The following MYT1L variants were observed in gnomAD, a reference collection of about 807,000 sequenced individuals.
MYT1L encodes the protein myelin transcription factor 1 like.
In MYT1L, 12 loss-of-function variants were observed where a neutral mutation model predicts 126.7. The observed-to-expected ratio is 0.09, with a 90% CI of 0.06 to 0.15. The LOEUF is 0.15. Among genes scored for constraint, MYT1L ranks in the 10% least tolerant of loss-of-function variants. The pLI is 1.00. For synonymous variants in MYT1L, 541 were observed against 604.2 expected, an observed-to-expected ratio of 0.90 and a Z score of 1.53; for missense variants, 979 against 1,585.2, an observed-to-expected ratio of 0.62 and a Z score of 6.49.
At chr2:2,306,867 C>T (rs1025072775) in intron 1 of MYT1L, among the ~76,000 whole-genome samples, 2 of 151,996 alleles carry the variant, frequency 1.3e-5, no homozygotes, top group African/African-American at 4.8e-5. Flanking sequence ...GTAGGTTACA[C>T]CATTATATAA....
intron 1 of MYT1L, chr2:2,319,165 C>T (rs2096118971): frequency 6.6e-6 from 1 of 152,186 alleles, no homozygotes; most frequent in Non-Finnish European, 1.5e-5. Flanking sequence ...GCTTATGTCA[C>T]AGAGAAGGCA....
chr2:1,997,507 C>T (rs1459765104), intron 4 of MYT1L, among the ~76,000 whole-genome samples, 160 bp from the exon 5 acceptor site: 3 of 152,254 alleles, frequency 2.0e-5, no homozygotes, highest in Admixed American at 6.5e-5. Flanking sequence ...ACGCATTCCC[C>T]TTTAGAGTTT....
chr2:2,255,265 T>G (rs2149246225), intron 2 of MYT1L, among the ~76,000 whole-genome samples: 1 of 152,314 alleles, frequency 6.6e-6, no homozygotes, highest in Middle Eastern at 3.4e-3. Context: ...GGGTGATTTC[T>G]TACCCCCCTA....
chr2:2,314,613 A>G (rs1190567160), intron 1 of MYT1L, among the ~76,000 whole-genome samples: 1 of 152,208 alleles, frequency 6.6e-6, no homozygotes, highest in Admixed American at 6.5e-5. Context: ...GATTTGTTAC[A>G]TAGGTAAACA....
intron 4 of MYT1L, among the ~76,000 whole-genome samples, chr2:2,030,994 C>T (rs1446564473): frequency 6.6e-6 from 1 of 152,146 alleles, no homozygotes; most frequent in Non-Finnish European, 1.5e-5. Flanking sequence ...ACTTATTTTG[C>T]GTTTGTATTA....
intron 18 of MYT1L, among the ~76,000 whole-genome samples, chr2:1,878,619 CT>C (rs1170001371): frequency 1.3e-5 from 2 of 152,158 alleles, no homozygotes; most frequent in African/African-American, 4.8e-5. Flanking sequence ...CAAGAATGCA[CT>C]TCCTTAGCCA....
intron 3 of MYT1L, among the ~76,000 whole-genome samples, chr2:2,157,413 T>A (rs1012661074): frequency 5.3e-5 from 8 of 152,202 alleles, no homozygotes; most frequent in Non-Finnish European, 8.8e-5. Flanking sequence ...TTAATAATAA[T>A]TTCTTTATTA....
intron 15 of MYT1L, among the ~76,000 whole-genome samples, chr2:1,890,398 T>C (rs1168235284): frequency 6.6e-6 from 1 of 152,110 alleles, no homozygotes; most frequent in Non-Finnish European, 1.5e-5. Flanking sequence ...ATAATGAAGA[T>C]AATTTTCCAC....
chr2:2,277,859 C>A (rs1051697202), intron 2 of MYT1L, among the ~76,000 whole-genome samples: 1 of 152,044 alleles, frequency 6.6e-6, no homozygotes, highest in African/African-American at 2.4e-5. Context: ...ATTAACATAC[C>A]TTAATTTGAA....
chr2:2,254,277 T>C (rs1274921547), intron 2 of MYT1L, among the ~76,000 whole-genome samples: 1 of 152,210 alleles, frequency 6.6e-6, no homozygotes, highest in Non-Finnish European at 1.5e-5. Flanking sequence ...TCTTCAACAA[T>C]GACTGCAGAT....
chr2:2,307,159 A>G lies in MYT1L; in HGVS notation c.-520-22656T>C, dbSNP rs147001508. ...AAATAGATGAGCATAATGCAGGGAT[A>G]GAAAGCATGCTTGAGAATGGGCGGG... On this transcript the variant is annotated intron_variant, in intron 1 of 24. Transcript: ENST00000647738. Among the ~76,000 whole-genome samples, 711 of 152,318 alleles carry G rather than the reference A, an allele frequency of 4.7e-3. 5 individuals carry two copies. The highest frequency in any genetic ancestry group is 7.0e-3 in the Non-Finnish European group (479 of 68,024).
chr2:1,866,808 GGGGGGAGAGAGAGAGGGA>G (rs1439519258), intron 18 of MYT1L, among the ~76,000 whole-genome samples: 1 of 55,198 alleles, frequency 1.8e-5, no homozygotes, highest in Non-Finnish European at 3.8e-5. Flanking sequence ...AGGCAGAGAA[GGGGGGAGAGAGAGAGGGA>G]GGGGGAGAGA....
At chr2:1,960,825 C>T (rs922727051) in intron 8 of MYT1L, among the ~76,000 whole-genome samples, 10 of 152,044 alleles carry the variant, frequency 6.6e-5, no homozygotes, top group African/African-American at 2.2e-4. Flanking sequence ...TCACCTGCAG[C>T]TCAGAGGCTT....
chr2:2,115,610 G>A (rs2080103868), intron 3 of MYT1L, among the ~76,000 whole-genome samples: 2 of 152,262 alleles, frequency 1.3e-5, no homozygotes, highest in South Asian at 4.1e-4. Flanking sequence ...TGTTTGTGGT[G>A]TGTCTAGCAC....
At chr2:2,242,556 G>A (rs1224648811) in intron 2 of MYT1L, among the ~76,000 whole-genome samples, 1 of 152,134 alleles carries the variant, frequency 6.6e-6, no homozygotes, top group African/African-American at 2.4e-5. Context: ...AAATAAATTA[G>A]TCTTCCATTC....
At chr2:2,183,750 G>A (rs1045846856) in intron 2 of MYT1L, among the ~76,000 whole-genome samples, 21 of 151,304 alleles carry the variant, frequency 1.4e-4, no homozygotes, top group African/African-American at 4.9e-4. Context: ...AGGAAGGAAG[G>A]GAGGGAGGGA....
chr2:1,875,960 C>T lies in MYT1L; in HGVS notation c.2711+10579G>A, dbSNP rs1230286652. Reference sequence around the variant, plus strand: ...TTACAGGAAAAACGCATTATTTAATCTTATTTAAATAATCCCCAGTAGTTA... The same window carrying T: ...TTACAGGAAAAACGCATTATTTAATTTTATTTAAATAATCCCCAGTAGTTA... On this transcript the variant is annotated intron_variant, in intron 18 of 24. Transcript: ENST00000647738. Among the ~76,000 whole-genome samples the T allele has an allele frequency of 2.0e-5, 3 of 152,168 alleles. No homozygotes were observed. In the East Asian group the frequency reaches 5.8e-4, roughly 29 times the overall value.
rs573629440 is a variant in MYT1L at position 1,793,456 on chromosome 2, C to T, written c.3277-992G>A. The stretch of plus-strand genomic sequence containing the variant: ...CCAGGGCTGGCTTGCCTGGCCTGCC[C>T]GCTCCTCTCCTTCCCTGACGTGTCA... On this transcript the variant is annotated intron_variant, in intron 23 of 24. Transcript: ENST00000647738. The surrounding 1 kb of genome is among the most constrained non-coding windows in gnomAD (Gnocchi z 4.6). 1.6e-4 allele frequency among the ~76,000 whole-genome samples: 25 copies of T among 152,294 alleles called. No individual in the cohort carries two copies. The highest frequency in any genetic ancestry group is 4.6e-4 in the Admixed American group (7 of 15,306).
intron 3 of MYT1L, among the ~76,000 whole-genome samples, chr2:2,097,956 G>A (rs987815536): frequency 6.6e-6 from 1 of 152,152 alleles, no homozygotes; most frequent in Admixed American, 6.6e-5. Flanking sequence ...AGATCTGGTT[G>A]TGTAAAAGTG....
Sources: gnomAD v4.1 joint callset for allele counts (sites outside exome capture counted in the v4.1 genomes callset) on GRCh38, gnomAD v4.1.1 for gene constraint, Gnocchi (gnomAD v3.1) non-coding constraint, MANE v1.5 for transcripts, NCBI Gene and HGNC (gene_info 2026-07-23, HGNC 2026-07-21) for gene names.